EPHB2: variants seen among roughly 807,000 people sequenced by gnomAD.
EPHB2 encodes the protein EPH receptor B2.
Under a neutral mutation model 96.4 loss-of-function variants are expected in EPHB2, and 18 were observed. The observed-to-expected ratio is 0.19, with a 90% CI of 0.13 to 0.28. EPHB2 has a LOEUF of 0.28. EPHB2 is among the 10% of genes least tolerant of loss of function. The pLI is 1.00. For missense variants in EPHB2, 989 were observed against 1,355.4 expected, an observed-to-expected ratio of 0.73 and a Z score of 4.25; for synonymous variants, 506 against 534.1, an observed-to-expected ratio of 0.95 and a Z score of 0.72.
chr1:22,912,771 T>G, intron 15 of EPHB2, 172 bp downstream of exon 15: 1 of 876,638 alleles, frequency 1.1e-6, no homozygotes, highest in Non-Finnish European at 1.8e-6. Context: ...TACCCAGGTC[T>G]GCCTGCCACC....
At chr1:22,799,742 G>A (rs1347145453) in intron 3 of EPHB2, among the ~76,000 whole-genome samples, 1 of 152,234 alleles carries the variant, frequency 6.6e-6, no homozygotes, top group Non-Finnish European at 1.5e-5. Flanking sequence ...CAGGAGGTAT[G>A]ACCTGGGTGA....
At chr1:22,809,914 C>T (rs1644979685) in intron 3 of EPHB2, among the ~76,000 whole-genome samples, 1 of 152,124 alleles carries the variant, frequency 6.6e-6, no homozygotes, top group African/African-American at 2.4e-5. Flanking sequence ...ATATGTGAGC[C>T]CAAGGTCTGG....
At chr1:22,818,527 A>T (rs1645105546) in intron 3 of EPHB2, among the ~76,000 whole-genome samples, 1 of 152,072 alleles carries the variant, frequency 6.6e-6, no homozygotes, top group Admixed American at 6.5e-5. Flanking sequence ...GTATCTACCT[A>T]AAACATGTCC....
chr1:22,811,462 G>C (rs1261665976), intron 3 of EPHB2, among the ~76,000 whole-genome samples: 1 of 152,200 alleles, frequency 6.6e-6, no homozygotes, highest in Non-Finnish European at 1.5e-5. Context: ...TCTCAGGATG[G>C]CTGTCCCCAA....
intron 1 of EPHB2, among the ~76,000 whole-genome samples, chr1:22,715,695 T>C (rs546943745): frequency 3.7e-4 from 57 of 152,296 alleles, no homozygotes; most frequent in Middle Eastern, 3.4e-3. Flanking sequence ...TTTTAAAGAG[T>C]CACCAGGCAC....
At chr1:22,849,449 G>A (rs1225501897) in intron 3 of EPHB2, among the ~76,000 whole-genome samples, 1 of 152,142 alleles carries the variant, frequency 6.6e-6, no homozygotes, top group Non-Finnish European at 1.5e-5. Flanking sequence ...AGTCCTCACT[G>A]GTCCCCAGCC....
chr1:22,890,986 C>T, intron 6 of EPHB2: 2 of 432,206 alleles, frequency 4.6e-6, no homozygotes, highest in Admixed American at 2.5e-5. Flanking sequence ...TGAGAAGGGA[C>T]TAATGCAGCC....
At chr1:22,752,252 C>G (rs1644075011) in intron 1 of EPHB2, among the ~76,000 whole-genome samples, 1 of 152,376 alleles carries the variant, frequency 6.6e-6, no homozygotes, top group African/African-American at 2.4e-5. Context: ...AATCCCAGCA[C>G]TTTGGGGGGC....
chr1:22,776,284 C>A (rs1644452009), intron 1 of EPHB2, among the ~76,000 whole-genome samples: 1 of 152,230 alleles, frequency 6.6e-6, no homozygotes, highest in African/African-American at 2.4e-5. Flanking sequence ...CCCCACTCAC[C>A]CAGTCTTTAA....
chr1:22,881,258 TGTG>T (rs1253172502), intron 5 of EPHB2, among the ~76,000 whole-genome samples: 1 of 151,950 alleles, frequency 6.6e-6, no homozygotes, highest in African/African-American at 2.4e-5. Context: ...ATTAACCAGG[TGTG>T]GTGGTGCACA....
intron 1 of EPHB2, among the ~76,000 whole-genome samples, chr1:22,766,343 A>G (rs745995406): frequency 2.0e-5 from 3 of 152,204 alleles, no homozygotes; most frequent in Non-Finnish European, 2.9e-5. Flanking sequence ...TAGGTACTCA[A>G]TAGCTGGAAA....
Position 22,913,936 on chromosome 1 carries a change from C to G in EPHB2, c.*366C>G, listed in dbSNP as rs751988724. 6.7e-7 allele frequency: 1 copy of G among 1,484,594 alleles called. No individual in the cohort carries two copies. The highest frequency in any genetic ancestry group is 2.4e-5 in the East Asian group (1 of 41,938). The allele number at this position is 1,484,594 out of a possible 1,614,324, so 92.0% of individuals were successfully genotyped here. On this transcript the variant is annotated 3_prime_UTR_variant, in exon 16 of 16. Transcript: ENST00000374630. This position sits in a 1 kb window ranked among gnomAD's most constrained non-coding sequence, Gnocchi z 4.1. ...ACAAAAGCAGTTTCTCTCCAACTCC[C>G]TCTGGGAAGGTGACCTGGCCAGAGC...
rs146606959 is a variant in EPHB2, at chr1:22,829,468, C to T, written c.812-33569C>T. On this transcript the variant is annotated intron_variant, in intron 3 of 15. Transcript: ENST00000374630. Reference sequence around the variant, plus strand: ...AAGCCAGGGTGTAAGACCATGGGTGCGTGGTCCCCAGAGGCCTCCCTACAA... The same window carrying T: ...AAGCCAGGGTGTAAGACCATGGGTGTGTGGTCCCCAGAGGCCTCCCTACAA... Among the ~76,000 whole-genome samples the T allele has an allele frequency of 4.9e-4, 74 of 152,350 alleles. No homozygotes were observed. The East Asian group carries it at 0.013, about 27-fold the overall frequency.
intron 1 of EPHB2, among the ~76,000 whole-genome samples, chr1:22,719,977 C>T (rs1202022655): frequency 6.6e-6 from 1 of 152,204 alleles, no homozygotes; most frequent in Non-Finnish European, 1.5e-5. Flanking sequence ...GTTGGGATCA[C>T]TCAGGAGGCT....
chr1:22,822,818 G>C (rs996374638), intron 3 of EPHB2, among the ~76,000 whole-genome samples: 1 of 152,226 alleles, frequency 6.6e-6, no homozygotes, highest in African/African-American at 2.4e-5. Flanking sequence ...TCCACTCCCT[G>C]CCTTCCAATC....
At chr1:22,740,369 G>T (rs552148948) in intron 1 of EPHB2, among the ~76,000 whole-genome samples, 1 of 152,144 alleles carries the variant, frequency 6.6e-6, no homozygotes, top group Admixed American at 6.5e-5. Flanking sequence ...CCCAATCAGG[G>T]TGTTTTCCAC....
At chr1:22,734,370 C>A (rs1320166029) in intron 1 of EPHB2, among the ~76,000 whole-genome samples, 1 of 151,988 alleles carries the variant, frequency 6.6e-6, no homozygotes, top group Admixed American at 6.6e-5. Flanking sequence ...GCAGAGAAAC[C>A]AAAGCCCAGA....
At chr1:22,895,832 C>T (rs1228876940) in intron 8 of EPHB2, among the ~76,000 whole-genome samples, 1 of 152,236 alleles carries the variant, frequency 6.6e-6, no homozygotes, top group Non-Finnish European at 1.5e-5. Context: ...CATTGAGACA[C>T]TAATGCAGTG....
chr1:22,920,429 C>T lies in EPHB2; in HGVS notation c.*6859C>T, dbSNP rs1640369792. ...TCAGAGCCAGAGTCTTAACACTGGA[C>T]AACCACAGGGTGTTGCTGCAAACTC... On this transcript the variant is annotated 3_prime_UTR_variant, in exon 16 of 16. Coordinates refer to ENST00000374630, the MANE Select transcript of EPHB2 (RefSeq NM_017449.5). 6.6e-6 allele frequency: 1 copy of T among 152,342 alleles called. No homozygotes were observed. The highest frequency in any genetic ancestry group is 2.1e-4 in the South Asian group (1 of 4,838). The allele number at this position is 152,342 out of a possible 1,614,324, so 9.4% of individuals were successfully genotyped here. A position where few individuals can be genotyped will look rare whatever the true frequency, so the allele number is the denominator to read the frequency against.
Sources: allele counts gnomAD v4.1 joint callset (sites outside exome capture counted in the v4.1 genomes callset), GRCh38; gene constraint gnomAD v4.1.1; non-coding constraint Gnocchi (gnomAD v3.1); transcripts MANE v1.5; gene names NCBI Gene and HGNC (gene_info 2026-07-23, HGNC 2026-07-21).